Variants in LRRTM4 observed in about 807,000 individuals in gnomAD.
The protein encoded by LRRTM4 is leucine rich repeat transmembrane neuronal 4, also known as leucine-rich repeat transmembrane neuronal protein 4.
In LRRTM4, 25 loss-of-function variants were observed where a neutral mutation model predicts 47.6. The observed-to-expected ratio is 0.53, with a 90% CI of 0.38 to 0.73. LRRTM4 has a LOEUF of 0.73. Ranked by LOEUF, LRRTM4 falls within the 30% of genes least tolerant of loss-of-function variation. The probability of loss-of-function intolerance (pLI) is 0.00; values close to 1 mark genes in which losing one functional copy is unlikely to be tolerated. For synonymous variants in LRRTM4, 311 were observed against 269.5 expected, an observed-to-expected ratio of 1.15 and a Z score of -1.51; for missense variants, 638 against 713.4, an observed-to-expected ratio of 0.89 and a Z score of 1.20.
At chr2:77,054,412 A>T (rs1045206799) in intron 3 of LRRTM4, among the ~76,000 whole-genome samples, 2 of 152,228 alleles carry the variant, frequency 1.3e-5, no homozygotes, top group African/African-American at 4.8e-5. Flanking sequence ...AACAAGAGGG[A>T]AGATGCTAGA....
At chr2:76,798,506 C>A (rs879685990) in intron 3 of LRRTM4, among the ~76,000 whole-genome samples, 66 of 147,882 alleles carry the variant, frequency 4.5e-4, no homozygotes, top group African/African-American at 6.2e-4. Context: ...CAGGAAAGAT[C>A]CAAAATTGAC....
chr2:77,322,548 T>C (rs1040150860), intron 3 of LRRTM4, among the ~76,000 whole-genome samples: 30 of 151,860 alleles, frequency 2.0e-4, no homozygotes, highest in African/African-American at 6.3e-4. Flanking sequence ...AGGAGAAAAA[T>C]GCATTCATAC....
At chr2:76,991,603 T>C (rs541005177) in intron 3 of LRRTM4, among the ~76,000 whole-genome samples, 13 of 151,742 alleles carry the variant, frequency 8.6e-5, no homozygotes, top group African/African-American at 2.9e-4. Flanking sequence ...TTAAAGCCCT[T>C]AGCAGACTAA....
chr2:77,305,828 A>G (rs1332485897), intron 3 of LRRTM4, among the ~76,000 whole-genome samples: 1 of 150,126 alleles, frequency 6.7e-6, no homozygotes, highest in Non-Finnish European at 1.5e-5. Context: ...ATAATAAAAC[A>G]ATAATTCTGG....
chr2:77,092,560 A>T (rs1362926621), intron 3 of LRRTM4, among the ~76,000 whole-genome samples: 3 of 127,792 alleles, frequency 2.3e-5, no homozygotes, highest in Non-Finnish European at 4.6e-5. Flanking sequence ...TTCCCTACAC[A>T]TCAAGCTCGA....
chr2:76,877,181 G>T (rs1442319749), intron 3 of LRRTM4, among the ~76,000 whole-genome samples: 9 of 152,056 alleles, frequency 5.9e-5, no homozygotes, highest in African/African-American at 1.7e-4. Context: ...TCTTCAGCAA[G>T]TTCTTTCAAT....
intron 3 of LRRTM4, among the ~76,000 whole-genome samples, chr2:77,098,108 T>A (rs1315740785): frequency 6.6e-6 from 1 of 151,962 alleles, no homozygotes; most frequent in African/African-American, 2.4e-5. Flanking sequence ...TTATTCACAC[T>A]TGCAAATAAA....
chr2:77,140,578 G>A (rs1414438157), intron 3 of LRRTM4, among the ~76,000 whole-genome samples: 2 of 152,144 alleles, frequency 1.3e-5, no homozygotes, highest in East Asian at 1.9e-4. Context: ...AGGACTTCAT[G>A]ACTAAAACAC....
intron 3 of LRRTM4, among the ~76,000 whole-genome samples, chr2:77,293,525 C>T (rs1290010780): frequency 1.3e-5 from 2 of 152,112 alleles, no homozygotes; most frequent in Non-Finnish European, 2.9e-5. Context: ...TATTGACATT[C>T]TCTTGATCAA....
In LRRTM4 at chr2:77,518,920, G is replaced by T. The variant is rs1222035190; in HGVS notation, c.949C>A (p.Arg317=). 1 of 1,609,030 alleles carries T rather than the reference G, an allele frequency of 6.2e-7. No individual in the cohort carries two copies. The highest frequency in any genetic ancestry group is 2.2e-5 in the East Asian group (1 of 44,696). The change falls in exon 3 of 4, where the codon CGG becomes AGG. Residue 317 remains arginine, a synonymous_variant. Transcript: ENST00000409884. ...CAATAAAATAAAGGACAAATGCTCC[G>T]ACTGCATTCCCACATATTTCCAGAC... is the stretch of plus-strand genomic sequence containing the variant. ...TLSGNMWECS[R]SICPLFYWLK...
At chr2:77,270,512 A>C (rs543360560) in intron 3 of LRRTM4, among the ~76,000 whole-genome samples, 2 of 152,210 alleles carry the variant, frequency 1.3e-5, no homozygotes, top group African/African-American at 2.4e-5. Context: ...AACACCTACT[A>C]GGGTATTTTC....
intron 3 of LRRTM4, among the ~76,000 whole-genome samples, chr2:77,089,626 C>T (rs548330141): frequency 1.3e-5 from 2 of 152,022 alleles, no homozygotes; most frequent in African/African-American, 4.8e-5. Flanking sequence ...GGCTTGCTTC[C>T]TTCACTATGG....
intron 3 of LRRTM4, among the ~76,000 whole-genome samples, chr2:77,143,945 G>C (rs1672190585): frequency 6.6e-6 from 1 of 152,174 alleles, no homozygotes; most frequent in South Asian, 2.1e-4. Context: ...ACTTATTTTT[G>C]GGGGACGGGT....
At chr2:77,070,001 A>T (rs532019272) in intron 3 of LRRTM4, among the ~76,000 whole-genome samples, 1 of 152,292 alleles carries the variant, frequency 6.6e-6, no homozygotes, top group South Asian at 2.1e-4. Context: ...TCAAATGAAA[A>T]CAAGCCTTTT....
chr2:76,808,911 A>G (rs1028544512), intron 3 of LRRTM4, among the ~76,000 whole-genome samples: 8 of 152,146 alleles, frequency 5.3e-5, no homozygotes, highest in African/African-American at 1.9e-4. Context: ...ATTTTAGCAG[A>G]GACAGTAAAG....
chr2:77,180,453 C>G (rs1228515007), intron 3 of LRRTM4, among the ~76,000 whole-genome samples: 1 of 152,070 alleles, frequency 6.6e-6, no homozygotes, highest in African/African-American at 2.4e-5. Context: ...CTGGCTCTGC[C>G]ACTAATTATT....
At chr2:77,515,858 G>A (rs542007318) in intron 3 of LRRTM4, among the ~76,000 whole-genome samples, 144 of 151,868 alleles carry the variant, frequency 9.5e-4, no homozygotes, top group Non-Finnish European at 9.9e-4. Flanking sequence ...GAAGTAATTA[G>A]GGTTTTCCCT....
chr2:76,918,203 C>T (rs894197594), intron 3 of LRRTM4, among the ~76,000 whole-genome samples: 3 of 152,148 alleles, frequency 2.0e-5, no homozygotes, highest in African/African-American at 7.2e-5. Flanking sequence ...TGAAAAATGT[C>T]TGCTTTCTTA....
rs1553412656 is a variant in LRRTM4, at chr2:76,807,457, T to TATATACAC, written c.1552-58542_1552-58541insGTGTATAT. Among the ~76,000 whole-genome samples, 130 of 94,166 alleles carry TATATACAC rather than the reference T, an allele frequency of 1.4e-3. 5 individuals are homozygous for TATATACAC. The South Asian group carries it at 0.041, about 30-fold the overall frequency. The allele number at this position is 94,166 out of a possible 152,430, so 61.8% of individuals were successfully genotyped here. Reference sequence around the variant, plus strand: ...ATATACGTATATACATATATATATATACATATATATATACATATATATATA... The same window carrying TATATACAC: ...ATATACGTATATACATATATATATATATATACACACATATATATATACATATATATATA... On this transcript the variant is annotated intron_variant, in intron 3 of 3. Transcript: ENST00000409884.
Sources: gnomAD v4.1 joint callset for allele counts (sites outside exome capture counted in the v4.1 genomes callset) on GRCh38, gnomAD v4.1.1 for gene constraint, MANE v1.5 for transcripts, NCBI Gene and HGNC (gene_info 2026-07-23, HGNC 2026-07-21) for gene names.